COMMD10: variants seen among roughly 807,000 people sequenced by gnomAD.
COMMD10 encodes COMM domain containing 10, also known as COMM domain-containing protein 10.
A neutral mutation model predicts 28.9 loss-of-function variants in COMMD10; 33 were observed. The ratio of observed to expected loss-of-function variants is 1.14; its 90% CI spans 0.87 to 1.53. COMMD10 has a LOEUF of 1.53. Among genes scored for constraint, COMMD10 ranks in the 40% most tolerant of loss-of-function variants. COMMD10 has a pLI of 0.00. For synonymous variants in COMMD10, 110 were observed against 81.7 expected (o/e 1.35, Z -1.87); for missense variants, 310 against 233.4 (o/e 1.33, Z -2.14).
chr5:116,244,031 A>G (rs1324990446), intron 5 of COMMD10, among the ~76,000 whole-genome samples: 1 of 152,136 alleles, frequency 6.6e-6, no homozygotes, highest in African/African-American at 2.4e-5. Context: ...AAAGATGTCT[A>G]TACACACACA....
chr5:116,186,463 A>T (rs142798162), intron 5 of COMMD10, among the ~76,000 whole-genome samples: 1 of 151,990 alleles, frequency 6.6e-6, no homozygotes, highest in African/African-American at 2.4e-5. Context: ...TGCAGGTTCT[A>T]TCCTTTAACT....
chr5:116,107,812 G>T (rs1386671431), intron 4 of COMMD10, among the ~76,000 whole-genome samples: 1 of 152,112 alleles, frequency 6.6e-6, no homozygotes, highest in Admixed American at 6.5e-5. Flanking sequence ...CCCTATCTTT[G>T]TGGATTTATC....
At chr5:116,121,284 A>G (rs1014857058) in intron 4 of COMMD10, among the ~76,000 whole-genome samples, 1 of 152,166 alleles carries the variant, frequency 6.6e-6, no homozygotes, top group Non-Finnish European at 1.5e-5. Context: ...TTCTGGCTTC[A>G]TTCATGTTCC....
intron 5 of COMMD10, among the ~76,000 whole-genome samples, chr5:116,274,505 G>T (rs954030148): frequency 5.3e-5 from 8 of 151,724 alleles, no homozygotes; most frequent in African/African-American, 1.9e-4. Flanking sequence ...CTTGGCCTGC[G>T]GACTATCAAT....
At chr5:116,134,632 A>T (rs1052610580) in intron 5 of COMMD10, among the ~76,000 whole-genome samples, 1 of 151,872 alleles carries the variant, frequency 6.6e-6, no homozygotes, top group Admixed American at 6.6e-5. Flanking sequence ...CAATTTATTT[A>T]TTTTTTTTGA....
chr5:116,259,787 C>T (rs890874685), intron 5 of COMMD10, among the ~76,000 whole-genome samples: 3 of 151,674 alleles, frequency 2.0e-5, no homozygotes, highest in African/African-American at 7.3e-5. Context: ...TGGCTGCTAC[C>T]TTGTTCTGTT....
Position 116,091,168 on chromosome 5 carries a change from A to G in COMMD10, c.222A>G (p.Thr74=), listed in dbSNP as rs1750286378. 1.9e-6 allele frequency: 3 copies of G among 1,600,068 alleles called. No individual in the cohort carries two copies. Among genetic ancestry groups the G allele is most frequent in the Non-Finnish European group, 2.6e-6 (3 of 1,170,154 alleles). ...EKQDLHLVLE[T]ISFILEQAVY... ...AAGATCTTCACCTAGTTCTTGAAAC[A>G]ATATCATTTATTTTAGAACAGGTAT... Residue 74 remains threonine, a synonymous_variant, in exon 3 of 7, where the codon ACA becomes ACG. Coordinates refer to ENST00000274458, the MANE Select transcript of COMMD10 (RefSeq NM_016144.4).
At chr5:116,247,582 C>T (rs747085531) in intron 5 of COMMD10, among the ~76,000 whole-genome samples, 19 of 151,404 alleles carry the variant, frequency 1.3e-4, no homozygotes, top group Non-Finnish European at 2.7e-4. Context: ...ACGCCTGTCA[C>T]TGGATAAAGA....
At chr5:116,164,799 G>T (rs771642641) in intron 5 of COMMD10, among the ~76,000 whole-genome samples, 1 of 152,090 alleles carries the variant, frequency 6.6e-6, no homozygotes, top group African/African-American at 2.4e-5. Context: ...TTCTTAGGGG[G>T]GTTGTGTTGC....
At chr5:116,208,151 G>A (rs1748866629) in intron 5 of COMMD10, among the ~76,000 whole-genome samples, 1 of 152,050 alleles carries the variant, frequency 6.6e-6, no homozygotes, top group South Asian at 2.1e-4. Flanking sequence ...TAATGTATGG[G>A]TTAAACAATG....
chr5:116,088,256 G>A (rs1750175922), intron 2 of COMMD10, among the ~76,000 whole-genome samples: 1 of 152,036 alleles, frequency 6.6e-6, no homozygotes, highest in African/African-American at 2.4e-5. Context: ...TGTTTTTCTT[G>A]GCCAAGAGCC....
chr5:116,151,434 G>T (rs1752524066), intron 5 of COMMD10, among the ~76,000 whole-genome samples: 1 of 151,838 alleles, frequency 6.6e-6, no homozygotes, highest in Non-Finnish European at 1.5e-5. Flanking sequence ...AGAAGGAGTG[G>T]TACCAGTTCC....
chr5:116,204,153 A>C (rs949827648), intron 5 of COMMD10, among the ~76,000 whole-genome samples: 1 of 152,128 alleles, frequency 6.6e-6, no homozygotes, highest in African/African-American at 2.4e-5. Flanking sequence ...AGGCCATTAC[A>C]TCATGGTAAA....
intron 5 of COMMD10, among the ~76,000 whole-genome samples, chr5:116,137,299 A>G (rs1335741435): frequency 6.6e-6 from 1 of 152,114 alleles, no homozygotes; most frequent in Non-Finnish European, 1.5e-5. Flanking sequence ...AATATTAAGT[A>G]AAAAGGAATG....
rs112102545 is a variant in COMMD10, at chr5:116,167,717, C to T, written c.510+33539C>T. Among the ~76,000 whole-genome samples the T allele has an allele frequency of 1.3e-3, 192 of 152,238 alleles. 1 individual carries two copies. Among genetic ancestry groups the T allele is most frequent in the African/African-American group, 4.4e-3 (184 of 41,534 alleles). On this transcript the variant is annotated intron_variant, in intron 5 of 6. Transcript: ENST00000274458. The stretch of plus-strand genomic sequence containing the variant: ...AAAAGAATTTTCAACCCAGAATTTC[C>T]TATCCAACCTAGCTAAATTCCATAA...
intron 5 of COMMD10, among the ~76,000 whole-genome samples, chr5:116,165,304 A>G (rs1401023448): frequency 6.6e-6 from 1 of 152,168 alleles, no homozygotes; most frequent in Non-Finnish European, 1.5e-5. Flanking sequence ...CAGCTCTGAT[A>G]ATGCATATTT....
intron 4 of COMMD10, among the ~76,000 whole-genome samples, chr5:116,113,817 A>G (rs1751138562): frequency 6.6e-6 from 1 of 151,962 alleles, no homozygotes; most frequent in Non-Finnish European, 1.5e-5. Flanking sequence ...TTGTTGGAGA[A>G]TTATTGTGTT....
intron 5 of COMMD10, among the ~76,000 whole-genome samples, chr5:116,142,946 T>C (rs574486802): frequency 2.6e-5 from 4 of 151,790 alleles, no homozygotes; most frequent in African/African-American, 9.6e-5. Context: ...GGTTTCCTGA[T>C]TCTTTGTTTT....
At chr5:116,108,033 C>CA (rs1750900541) in intron 4 of COMMD10, among the ~76,000 whole-genome samples, 1 of 152,234 alleles carries the variant, frequency 6.6e-6, no homozygotes, top group Admixed American at 6.5e-5. Flanking sequence ...CTGCCTCTTG[C>CA]TTCTTCCTGA....
Sources: gnomAD v4.1 joint callset for allele counts (sites outside exome capture counted in the v4.1 genomes callset) on GRCh38, gnomAD v4.1.1 for gene constraint, MANE v1.5 for transcripts, NCBI Gene and HGNC (gene_info 2026-07-23, HGNC 2026-07-21) for gene names.